Variants in NCOA2 observed in about 807,000 individuals in gnomAD.
The protein encoded by NCOA2 is class E basic helix-loop-helix protein 75.
A neutral mutation model predicts 145.1 loss-of-function variants in NCOA2; 21 were observed. That is an observed-to-expected ratio of 0.14 (90% CI 0.10 to 0.21). NCOA2 has a LOEUF of 0.21. Ranked by LOEUF, NCOA2 falls within the 10% of genes least tolerant of loss-of-function variation. The pLI, the probability that NCOA2 is intolerant of heterozygous loss-of-function variation, is 1.00. For missense variants in NCOA2, 1,472 were observed against 1,837.6 expected, an observed-to-expected ratio of 0.80 and a Z score of 3.64; for synonymous variants, 619 against 637.5, an observed-to-expected ratio of 0.97 and a Z score of 0.44.
chr8:70,317,197 T>C (rs907909458), intron 1 of NCOA2, among the ~76,000 whole-genome samples: 4 of 152,216 alleles, frequency 2.6e-5, no homozygotes, highest in Admixed American at 1.3e-4. Flanking sequence ...TCTATCCTCT[T>C]TGTTTCTTTT....
intron 1 of NCOA2, among the ~76,000 whole-genome samples, chr8:70,399,293 GAACACA>G (rs1422229797): frequency 6.6e-6 from 1 of 152,072 alleles, no homozygotes; most frequent in Non-Finnish European, 1.5e-5. Flanking sequence ...CAAACACCTA[GAACACA>G]AACACTTAGA....
At position 70,163,541 on chromosome 8, in the gene NCOA2, C is replaced by T. The variant is rs759216388; in HGVS notation, c.756G>A (p.Val252=). The T allele has an allele frequency of 6.2e-7, 1 of 1,613,732 alleles. No homozygotes were observed. Among genetic ancestry groups the T allele is most frequent in the Non-Finnish European group, 8.5e-7 (1 of 1,179,778 alleles). The part of the protein sequence containing the change: ...GEDLQSCLIC[V]ARRVPMKERP... ...TTTCCTTCATGGGAACTCTTCTTGC[C>T]ACGCAAATCAAGCAGGACTGCAAAT... The change falls in exon 8 of 23, where the codon GTG becomes GTA. Residue 252 remains valine, a synonymous_variant. Transcript: ENST00000452400.
intron 1 of NCOA2, among the ~76,000 whole-genome samples, chr8:70,359,922 T>C (rs558917850): frequency 1.8e-4 from 27 of 152,328 alleles, no homozygotes; most frequent in African/African-American, 6.3e-4. Context: ...TCTTGCTTAA[T>C]TCTGCAGTGT....
chr8:70,225,097 T>C (rs1194817335), intron 2 of NCOA2, among the ~76,000 whole-genome samples: 1 of 152,176 alleles, frequency 6.6e-6, no homozygotes, highest in Admixed American at 6.5e-5. Context: ...GAATACCTAT[T>C]ATGCACCAAG....
chr8:70,442,460 C>G, the NCOA2 span, among the ~76,000 whole-genome samples: 6 of 152,298 alleles, frequency 3.9e-5, no homozygotes, highest in East Asian at 5.8e-4. Flanking sequence ...AGTCACCATT[C>G]TTGTATATTA....
At chr8:70,441,827 A>AAAG in the NCOA2 span, among the ~76,000 whole-genome samples, 6 of 147,780 alleles carry the variant, frequency 4.1e-5, no homozygotes, top group East Asian at 9.8e-4. Context: ...AAGAAAGAAG[A>AAAG]AAGAAAGAAA....
chr8:70,408,857 G>A, the NCOA2 span, among the ~76,000 whole-genome samples: 3 of 151,106 alleles, frequency 2.0e-5, no homozygotes, highest in East Asian at 1.9e-4. Context: ...GAACTGCTGG[G>A]GCTGAAGTGA....
At chr8:70,160,335 A>C (rs754607480) in intron 9 of NCOA2, among the ~76,000 whole-genome samples, 1 of 152,234 alleles carries the variant, frequency 6.6e-6, no homozygotes, top group Non-Finnish European at 1.5e-5. Context: ...TTTAACTTTT[A>C]GATAAGGGAT....
the NCOA2 span, among the ~76,000 whole-genome samples, chr8:70,421,525 T>C: frequency 6.6e-6 from 1 of 152,138 alleles, no homozygotes; most frequent in African/African-American, 2.4e-5. Context: ...ACCACTACAC[T>C]CAAGCCTGGG....
At chr8:70,169,502 G>A (rs904329086) in intron 6 of NCOA2, among the ~76,000 whole-genome samples, 1 of 152,160 alleles carries the variant, frequency 6.6e-6, no homozygotes, top group Non-Finnish European at 1.5e-5. Context: ...CTCAAAATAC[G>A]CTGAATCTCA....
the NCOA2 span, among the ~76,000 whole-genome samples, chr8:70,444,707 T>C: frequency 2.0e-5 from 3 of 152,274 alleles, no homozygotes; most frequent in East Asian, 5.8e-4. Flanking sequence ...AGTTAGAAAA[T>C]AATACAGCAA....
intron 15 of NCOA2, among the ~76,000 whole-genome samples, chr8:70,135,593 A>G: frequency 6.6e-6 from 1 of 152,206 alleles, no homozygotes; most frequent in Non-Finnish European, 1.5e-5. Context: ...GCTTACAGAA[A>G]AAACACTGAT....
chr8:70,321,347 AT>A (rs1806038357), intron 1 of NCOA2, among the ~76,000 whole-genome samples: 1 of 151,130 alleles, frequency 6.6e-6, no homozygotes, highest in South Asian at 2.1e-4. Flanking sequence ...TTTTGTAGAG[AT>A]AGGGTTTCAC....
intron 2 of NCOA2, among the ~76,000 whole-genome samples, chr8:70,257,424 C>G (rs190319030): frequency 1.3e-5 from 2 of 152,166 alleles, no homozygotes; most frequent in Non-Finnish European, 2.9e-5. Flanking sequence ...AGATAAGTAT[C>G]TTTGCCCTCC....
intron 22 of NCOA2, among the ~76,000 whole-genome samples, chr8:70,118,934 C>T (rs1035576557): frequency 2.0e-5 from 3 of 152,050 alleles, no homozygotes; most frequent in Admixed American, 1.3e-4. Context: ...GTGATCCATC[C>T]GCCTCAGCCT....
intron 2 of NCOA2, among the ~76,000 whole-genome samples, chr8:70,218,298 G>C (rs1370840053): frequency 6.7e-6 from 1 of 148,478 alleles, no homozygotes; most frequent in African/African-American, 2.5e-5. Flanking sequence ...TTTGATTCAA[G>C]AGGTGACACA....
chr8:70,156,344 C>G lies in NCOA2; in HGVS notation c.2021G>C (p.Gly674Ala). 6.2e-7 allele frequency: 1 copy of G among 1,613,880 alleles called. No homozygotes were observed. Among genetic ancestry groups the G allele is most frequent in the Non-Finnish European group, 8.5e-7 (1 of 1,179,874 alleles). ...CGAGGTTCCATGTGTAGACCCAGAA[C>G]CAGGCAAGCTACCTGTGGAGTCTTT... ...TNKDSTGSLPGSGSTHGTSLK... is the reference protein window; with the variant it reads ...TNKDSTGSLPASGSTHGTSLK... The change falls in exon 11 of 23, where the codon GGT (glycine) becomes GCT (alanine). Residue 674 changes from glycine (G) to alanine (A), a missense_variant. This residue lies in a region of NCOA2 where 953 missense variants were observed against 1,062.1 expected (regional missense o/e 0.90). Transcript: ENST00000452400.
chr8:70,405,437 G>GTTTTTTTTTTTTTTTTATTTTTTTTT (rs1814726727), upstream of NCOA2, among the ~76,000 whole-genome samples: 1 of 59,364 alleles, frequency 1.7e-5, no homozygotes, highest in Non-Finnish European at 2.7e-5. Context: ...ATTTTTAAAG[G>GTTTTTTTTTTTTTTTTATTTTTTTTT]TTTTTTTTTT....
chr8:70,349,209 GCAAAAACAAA>G (rs1056909608), intron 1 of NCOA2, among the ~76,000 whole-genome samples: 1 of 151,808 alleles, frequency 6.6e-6, no homozygotes, highest in African/African-American at 2.4e-5. Context: ...AGAAAATCAA[GCAAAAACAAA>G]CAAAAACATA....
Sources: gnomAD v4.1 joint callset for allele counts (sites outside exome capture counted in the v4.1 genomes callset) on GRCh38, gnomAD v4.1.1 for gene constraint, gnomAD v4.1.1 regional missense constraint, MANE v1.5 for transcripts, NCBI Gene and HGNC (gene_info 2026-07-23, HGNC 2026-07-21) for gene names.